Variants in LAMA2 observed in about 807,000 individuals in gnomAD.
LAMA2 encodes the protein laminin subunit alpha 2, also known as laminin subunit alpha-2.
Under a neutral mutation model 364.8 loss-of-function variants are expected in LAMA2, and 269 were observed. That is an observed-to-expected ratio of 0.74 (90% CI 0.67 to 0.82). The LOEUF (loss-of-function observed/expected upper bound fraction) is 0.82. Ranked by LOEUF, LAMA2 falls within the 40% of genes least tolerant of loss-of-function variation. The probability of loss-of-function intolerance (pLI) is 0.00; values close to 1 mark genes in which losing one functional copy is unlikely to be tolerated. For missense variants in LAMA2, 3,807 were observed against 3,873.2 expected (o/e 0.98, Z 0.45); for synonymous variants, 1,379 against 1,370.6 (o/e 1.01, Z -0.14).
chr6:129,010,984 CT>C (rs1397008809), intron 1 of LAMA2, among the ~76,000 whole-genome samples: 2 of 152,064 alleles, frequency 1.3e-5, no homozygotes, highest in Admixed American at 6.6e-5. Flanking sequence ...CAGATTTATT[CT>C]TTTTTTTCTT....
chr6:128,958,592 G>A (rs1781291381), intron 1 of LAMA2, among the ~76,000 whole-genome samples: 1 of 151,974 alleles, frequency 6.6e-6, no homozygotes. Context: ...CCTTACAATA[G>A]GCTTTATCTT....
At chr6:129,247,685 T>C (rs1164918634) in intron 12 of LAMA2, among the ~76,000 whole-genome samples, 2 of 152,168 alleles carry the variant, frequency 1.3e-5, no homozygotes, top group African/African-American at 4.8e-5. Flanking sequence ...CTCATGACAA[T>C]TTTCAGGCAA....
intron 12 of LAMA2, among the ~76,000 whole-genome samples, chr6:129,199,912 C>G (rs1346350581): frequency 6.6e-6 from 1 of 151,818 alleles, no homozygotes; most frequent in Non-Finnish European, 1.5e-5. Context: ...AACCCTGTCT[C>G]TACTAAAAAT....
chr6:129,381,174 T>C (rs1431719133), intron 34 of LAMA2, among the ~76,000 whole-genome samples: 1 of 152,158 alleles, frequency 6.6e-6, no homozygotes, highest in Non-Finnish European at 1.5e-5. Context: ...GTGGTATTGA[T>C]ACATTAATCC....
intron 1 of LAMA2, among the ~76,000 whole-genome samples, chr6:128,893,551 T>C (rs146252291): frequency 6.6e-6 from 1 of 152,034 alleles, no homozygotes; most frequent in East Asian, 1.9e-4. Flanking sequence ...TACTACTGCA[T>C]AAGAAGAAAA....
At chr6:129,326,743 T>C (rs974319040) in intron 28 of LAMA2, among the ~76,000 whole-genome samples, 1 of 130,130 alleles carries the variant, frequency 7.7e-6, no homozygotes, top group African/African-American at 2.6e-5. Flanking sequence ...TTTTATATAT[T>C]ATATATATAA....
intron 3 of LAMA2, among the ~76,000 whole-genome samples, chr6:129,092,973 C>A (rs563367693): frequency 1.9e-4 from 29 of 152,136 alleles, no homozygotes; most frequent in South Asian, 6.2e-4. Context: ...TCTTTAGTAG[C>A]ATTTCTTAGA....
rs529539477 is a variant in LAMA2, at chr6:129,096,123, G to A, written c.397-2050G>A. 2.0e-5 allele frequency among the ~76,000 whole-genome samples: 3 copies of A among 152,228 alleles called. No individual in the cohort carries two copies. In the South Asian group the frequency reaches 6.2e-4, roughly 32 times the overall value. ...AGATTAATCCATTGGTATGTTTCTT[G>A]TTGAATTTCTATATAAAGACATTCT... On this transcript the variant is annotated intron_variant, in intron 3 of 64. Transcript: ENST00000421865.
intron 8 of LAMA2, among the ~76,000 whole-genome samples, chr6:129,161,108 C>T (rs1004916011): frequency 6.6e-6 from 1 of 151,880 alleles, no homozygotes; most frequent in Non-Finnish European, 1.5e-5. Flanking sequence ...ATTTTTATAT[C>T]TTATAAATTA....
rs566504872 is a variant in LAMA2, at chr6:128,980,436, C to T, written c.113-69482C>T. On this transcript the variant is annotated intron_variant, in intron 1 of 64. Transcript: ENST00000421865. Reference sequence around the variant, plus strand: ...AGGTGAAATTTTTGTAGGGTACGCACGTGACCATTCACAGAAGGCAAGAGG... The same window carrying T: ...AGGTGAAATTTTTGTAGGGTACGCATGTGACCATTCACAGAAGGCAAGAGG... 5.9e-5 allele frequency among the ~76,000 whole-genome samples: 9 copies of T among 152,120 alleles called. No individual in the cohort carries two copies. In the South Asian group the frequency reaches 6.2e-4, roughly 10 times the overall value.
At chr6:129,178,007 C>A (rs914419106) in intron 10 of LAMA2, 141 bp downstream of exon 10, 3 of 857,190 alleles carry the variant, frequency 3.5e-6, no homozygotes, top group Non-Finnish European at 5.7e-6. Flanking sequence ...GGTGACCCAC[C>A]AGGTTCACTG....
chr6:128,967,472 T>C (rs544071594), intron 1 of LAMA2, among the ~76,000 whole-genome samples: 1 of 152,158 alleles, frequency 6.6e-6, no homozygotes. Context: ...TTGCTATACA[T>C]CAGGCTTGGA....
Position 129,464,024 on chromosome 6 carries a change from C to T in LAMA2, c.6993-266C>T, listed in dbSNP as rs57996601. On this transcript the variant is annotated intron_variant, in intron 49 of 64. Coordinates refer to ENST00000421865, the MANE Select transcript of LAMA2 (RefSeq NM_000426.4). ...CACCCTTAAGCATCAATATAACTAT[C>T]TACTACCAAGTGCTTTTACAAAACA... 0.016 allele frequency among the ~76,000 whole-genome samples: 2,404 copies of T among 152,010 alleles called. 70 individuals carry two copies. Among genetic ancestry groups the T allele is most frequent in the African/African-American group, 0.055 (2,287 of 41,480 alleles).
Position 129,315,478 on chromosome 6 carries a change from G to A in LAMA2, c.3558G>A (p.Val1186=), listed in dbSNP as rs1012097418. ...TGCTGTATTTTGACCCCTTGCAGGT[G>A]ACTCTGAAGGCTGAGCAGACCATTC... is the stretch of plus-strand genomic sequence containing the variant. ...SEAKGLIRTW[V]TLKAEQTILP... The change falls in exon 25 of 65, where the codon GTG becomes GTA. Residue 1186 remains valine (V), a splice_region_variant and synonymous_variant. Transcript: ENST00000421865. 1.9e-6 allele frequency: 3 copies of A among 1,614,094 alleles called. No individual in the cohort carries two copies. Among genetic ancestry groups the A allele is most frequent in the Non-Finnish European group, 2.5e-6 (3 of 1,179,948 alleles).
At chr6:129,280,168 C>T (rs765362749) in intron 18 of LAMA2, 21 bp downstream of exon 18, 1 of 1,455,520 alleles carries the variant, frequency 6.9e-7, no homozygotes, top group South Asian at 1.1e-5. Flanking sequence ...ACTACACTGT[C>T]TTGCAAAATG....
intron 12 of LAMA2, among the ~76,000 whole-genome samples, chr6:129,234,251 G>A (rs9483002): frequency 0.079 from 12,039 of 152,156 alleles, 1,018 homozygotes; most frequent in African/African-American, 0.21. Flanking sequence ...AATTAGAAAA[G>A]CCTCCAGTAA....
chr6:129,359,040 CT>C (rs201226052), intron 32 of LAMA2, among the ~76,000 whole-genome samples: 2 of 151,894 alleles, frequency 1.3e-5, no homozygotes, highest in East Asian at 3.9e-4. Flanking sequence ...TGGTACTTAC[CT>C]CATAGAATTG....
intron 1 of LAMA2, among the ~76,000 whole-genome samples, chr6:128,917,436 A>C (rs1778393257): frequency 6.6e-6 from 1 of 152,048 alleles, no homozygotes; most frequent in Admixed American, 6.6e-5. Context: ...CAAATGAATT[A>C]AATTTCCTTT....
intron 12 of LAMA2, among the ~76,000 whole-genome samples, chr6:129,219,382 C>T (rs915157716): frequency 5.9e-5 from 9 of 151,428 alleles, no homozygotes; most frequent in Admixed American, 1.3e-4. Context: ...GTTGGTGGGA[C>T]TGTAAACTAG....
Sources: allele counts gnomAD v4.1 joint callset (sites outside exome capture counted in the v4.1 genomes callset), GRCh38; gene constraint gnomAD v4.1.1; transcripts MANE v1.5; gene names NCBI Gene and HGNC (gene_info 2026-07-23, HGNC 2026-07-21).